The following NINL variants were observed in gnomAD, a reference collection of about 807,000 sequenced individuals.
NINL encodes ninein like, also known as ninein-like protein.
A neutral mutation model predicts 160.3 loss-of-function variants in NINL; 153 were observed. That is an observed-to-expected ratio of 0.95 (90% CI 0.84 to 1.09). The LOEUF (loss-of-function observed/expected upper bound fraction) is 1.09. Among genes scored for constraint, NINL ranks in the 50% least tolerant of loss-of-function variants. The pLI is 0.00. For synonymous variants in NINL, 800 were observed against 734.8 expected, an observed-to-expected ratio of 1.09 and a Z score of -1.43; for missense variants, 1,829 against 1,764.0, an observed-to-expected ratio of 1.04 and a Z score of -0.66.
At chr20:25,542,259 T>C (rs1298765963) in intron 1 of NINL, among the ~76,000 whole-genome samples, 4 of 152,128 alleles carry the variant, frequency 2.6e-5, no homozygotes, top group Non-Finnish European at 5.9e-5. Context: ...TATAAAGGGA[T>C]GGGAATACCT....
At chr20:25,467,258 C>T in intron 19 of NINL, 131 bp downstream of exon 19, 1 of 801,248 alleles carries the variant, frequency 1.2e-6, no homozygotes, top group East Asian at 2.5e-5. Context: ...GGCCTGGGGG[C>T]CAGTCAGCAA....
At chr20:25,499,208 G>A in intron 8 of NINL, 1 of 985,354 alleles carries the variant, frequency 1.0e-6, no homozygotes. Context: ...AGAGGCTGGG[G>A]AGCCGCCTGG....
chr20:25,499,666 G>T (rs1464579163), intron 8 of NINL, among the ~76,000 whole-genome samples: 1 of 152,118 alleles, frequency 6.6e-6, no homozygotes, highest in African/African-American at 2.4e-5. Context: ...AACAGATGAG[G>T]TTGCGCCAAT....
intron 5 of NINL, among the ~76,000 whole-genome samples, chr20:25,507,459 T>TG (rs751794592): frequency 6.6e-6 from 1 of 152,182 alleles, no homozygotes; most frequent in Non-Finnish European, 1.5e-5. Flanking sequence ...AAAGTGTCCA[T>TG]GGTGAGTTAT....
intron 1 of NINL, among the ~76,000 whole-genome samples, chr20:25,530,304 C>A (rs2064434237): frequency 6.6e-6 from 1 of 152,140 alleles, no homozygotes; most frequent in Non-Finnish European, 1.5e-5. Context: ...ACACTGAACA[C>A]ATTATTTTCC....
intron 11 of NINL, among the ~76,000 whole-genome samples, chr20:25,490,642 G>A (rs1286713170): frequency 6.6e-6 from 1 of 151,974 alleles, no homozygotes; most frequent in East Asian, 1.9e-4. Context: ...TCCTTCCAGA[G>A]CCATTCCTGA....
rs369250136 is a variant in NINL at position 25,554,513 on chromosome 20, AGTG to A, written c.-11-27918_-11-27916del. On this transcript the variant is annotated intron_variant, in intron 1 of 23. Transcript: ENST00000278886. The stretch of plus-strand genomic sequence containing the variant: ...AAAACCTATGGCTGTAGCCAGGTGC[AGTG>A]GTTCATGCCTGTAATCCCAGCACTT... Among the ~76,000 whole-genome samples the A allele has an allele frequency of 4.6e-5, 7 of 151,488 alleles. No individual in the cohort carries two copies. In the East Asian group the frequency reaches 1.2e-3, roughly 25 times the overall value.
At chr20:25,553,103 G>GTTTTTTTTTTT (rs760131174) in intron 1 of NINL, among the ~76,000 whole-genome samples, 3 of 58,048 alleles carry the variant, frequency 5.2e-5, no homozygotes, top group Non-Finnish European at 3.5e-5. Flanking sequence ...ACCCTTGTTG[G>GTTTTTTTTTTT]GTTTTTTTTT....
At chr20:25,469,243 C>G (rs35849893) in intron 18 of NINL, among the ~76,000 whole-genome samples, 9,667 of 55,204 alleles carry the variant, frequency 0.18, 2,753 homozygotes, top group East Asian at 0.91. Flanking sequence ...CCCCCTGACT[C>G]TCATTGGTGG....
intron 4 of NINL, 109 bp downstream of exon 4, chr20:25,512,725 G>A: frequency 2.2e-6 from 3 of 1,380,596 alleles, no homozygotes; most frequent in South Asian, 1.4e-5. Context: ...GCCTGAGACG[G>A]TGGCTGCCCT....
intron 3 of NINL, among the ~76,000 whole-genome samples, 189 bp from the exon 4 acceptor site, chr20:25,513,195 G>C (rs1264279137): frequency 6.6e-6 from 1 of 152,142 alleles, no homozygotes; most frequent in Non-Finnish European, 1.5e-5. Context: ...TATGACCTTG[G>C]GTGGGAGACT....
At chr20:25,556,279 G>C (rs960903165) in intron 1 of NINL, among the ~76,000 whole-genome samples, 1 of 152,022 alleles carries the variant, frequency 6.6e-6, no homozygotes, top group Non-Finnish European at 1.5e-5. Context: ...GCAAGACCCT[G>C]TCTCAAACAA....
At chr20:25,533,663 G>A (rs948449972) in intron 1 of NINL, among the ~76,000 whole-genome samples, 1 of 152,160 alleles carries the variant, frequency 6.6e-6, no homozygotes, top group Non-Finnish European at 1.5e-5. Context: ...AGGGTGTCAA[G>A]ACCACAAAAC....
At chr20:25,576,885 A>C (rs1443901662) in intron 1 of NINL, among the ~76,000 whole-genome samples, 2 of 152,264 alleles carry the variant, frequency 1.3e-5, no homozygotes, top group Non-Finnish European at 2.9e-5. Context: ...AAAGCTGTGC[A>C]ACAGTGTACA....
At chr20:25,483,364 G>T (rs1037041725) in intron 13 of NINL, among the ~76,000 whole-genome samples, 1 of 151,772 alleles carries the variant, frequency 6.6e-6, no homozygotes, top group African/African-American at 2.4e-5. Context: ...GAAAAGAAAA[G>T]AAAATGCAGA....
In NINL at chr20:25,458,480, T is replaced by A; in HGVS notation, c.3746A>T (p.Gln1249Leu). The A allele has an allele frequency of 1.2e-6, 2 of 1,602,878 alleles. No homozygotes were observed. Residue 1249 changes from glutamine to leucine, a missense_variant, in exon 22 of 24, where the codon CAG (glutamine) becomes CTG (leucine). Coordinates refer to ENST00000278886, the MANE Select transcript of NINL (RefSeq NM_025176.6). ...GTCCTGGGGCACCAGCCGGACCTCCTGCAAGTGCTGGGCCTGGGCCTGCCT... is the reference window on the plus strand; with the variant it reads ...GTCCTGGGGCACCAGCCGGACCTCCAGCAAGTGCTGGGCCTGGGCCTGCCT... ...RLRQAQAQHL[Q>L]EVRLVPQDRV...
intron 18 of NINL, among the ~76,000 whole-genome samples, 190 bp from the exon 19 acceptor site, chr20:25,467,648 T>C (rs892127617): frequency 6.6e-6 from 1 of 152,162 alleles, no homozygotes; most frequent in South Asian, 2.1e-4. Flanking sequence ...GACGATCCCG[T>C]CTTCCATGGT....
intron 16 of NINL, 74 bp downstream of exon 16, chr20:25,478,849 C>A: frequency 1.4e-6 from 2 of 1,475,454 alleles, no homozygotes; most frequent in Non-Finnish European, 1.8e-6. Context: ...TGAGTTGTTT[C>A]CTAAGTCTAA....
At chr20:25,459,706 C>T (rs752692662) in intron 21 of NINL, among the ~76,000 whole-genome samples, 16 of 152,114 alleles carry the variant, frequency 1.1e-4, no homozygotes, top group Non-Finnish European at 1.9e-4. Context: ...ATCCTGGGAC[C>T]GAACCCCCAC....
Sources: gnomAD v4.1 joint callset for allele counts (sites outside exome capture counted in the v4.1 genomes callset) on GRCh38, gnomAD v4.1.1 for gene constraint, MANE v1.5 for transcripts, NCBI Gene and HGNC (gene_info 2026-07-23, HGNC 2026-07-21) for gene names.